Variants in NMBR observed in about 807,000 individuals in gnomAD.
NMBR encodes neuromedin-B receptor.
A neutral mutation model predicts 20.5 loss-of-function variants in NMBR; 16 were observed. The observed-to-expected ratio is 0.78, with a 90% CI of 0.53 to 1.19. The LOEUF (loss-of-function observed/expected upper bound fraction) is 1.19. Ranked by LOEUF, NMBR falls within the 50% of genes most tolerant of loss-of-function variation. NMBR has a pLI of 0.00. For missense variants in NMBR, 582 were observed against 499.1 expected, an observed-to-expected ratio of 1.17 and a Z score of -1.58; for synonymous variants, 212 against 196.6, an observed-to-expected ratio of 1.08 and a Z score of -0.65.
intron 1 of NMBR, among the ~76,000 whole-genome samples, chr6:142,142,866 C>T (rs1778380020): frequency 6.6e-6 from 1 of 152,038 alleles, no homozygotes; most frequent in Admixed American, 6.5e-5. Context: ...AGTAGGATCG[C>T]TTGAGTCTAG....
intron 1 of NMBR, chr6:142,134,763 TG>T (rs773328628): frequency 1.4e-6 from 1 of 691,962 alleles, no homozygotes; most frequent in South Asian, 1.5e-5. Context: ...CTAGATCTCT[TG>T]GGGAAAACAT....
At chr6:142,117,017 A>G (rs932821768) in intron 1 of NMBR, among the ~76,000 whole-genome samples, 1 of 151,992 alleles carries the variant, frequency 6.6e-6, no homozygotes, top group Non-Finnish European at 1.5e-5. Flanking sequence ...CCTTAAACTC[A>G]TGTCTTAAAT....
intron 1 of NMBR, among the ~76,000 whole-genome samples, chr6:142,135,765 G>A (rs1355961032): frequency 7.6e-5 from 11 of 143,950 alleles, no homozygotes; most frequent in South Asian, 2.2e-4. Context: ...TTGTCCTTGC[G>A]ATAGTTTACT....
intron 1 of NMBR, among the ~76,000 whole-genome samples, chr6:142,098,504 A>C (rs1777501671): frequency 6.6e-6 from 1 of 152,166 alleles, no homozygotes; most frequent in South Asian, 2.1e-4. Context: ...ATTAATATAC[A>C]AAAGTAAATC....
At chr6:142,098,389 C>G (rs902376657) in intron 1 of NMBR, among the ~76,000 whole-genome samples, 2 of 152,076 alleles carry the variant, frequency 1.3e-5, no homozygotes, top group African/African-American at 4.8e-5. Flanking sequence ...AGAAATAAAA[C>G]TGTCTTTGTT....
At chr6:142,099,129 T>TA (rs1192273968) in intron 1 of NMBR, among the ~76,000 whole-genome samples, 2 of 152,128 alleles carry the variant, frequency 1.3e-5, no homozygotes, top group East Asian at 3.9e-4. Flanking sequence ...AACCTAGACA[T>TA]AGAGTTTACA....
At chr6:142,089,619 G>A (rs1678932793) in intron 1 of NMBR, among the ~76,000 whole-genome samples, 1 of 152,026 alleles carries the variant, frequency 6.6e-6, no homozygotes, top group Non-Finnish European at 1.5e-5. Flanking sequence ...CTCCTATTGA[G>A]CATCGTATAA....
rs997385853 is a variant in NMBR, at chr6:142,109,927, G to A, written c.-663-20606C>T. ...TATGAGCCTTCACCAGACACCACGA[G>A]TCTCCTTGATCTTGGACTTCCCAGA... On this transcript the variant is annotated intron_variant, in intron 1 of 3. Transcript: ENST00000258042. 3.3e-5 allele frequency among the ~76,000 whole-genome samples: 5 copies of A among 152,104 alleles called. No individual in the cohort carries two copies. In the South Asian group the frequency reaches 8.3e-4, roughly 25 times the overall value.
At chr6:142,093,007 G>T (rs1449140340) in intron 1 of NMBR, among the ~76,000 whole-genome samples, 4 of 152,094 alleles carry the variant, frequency 2.6e-5, no homozygotes, top group African/African-American at 9.7e-5. Flanking sequence ...ACTTAGAAGT[G>T]TATTGTGTTT....
intron 1 of NMBR, among the ~76,000 whole-genome samples, chr6:142,129,959 C>T (rs192028602): frequency 6.6e-6 from 1 of 152,146 alleles, no homozygotes; most frequent in East Asian, 1.9e-4. Context: ...CTGTGTGCTC[C>T]CTCCTACTCA....
chr6:142,077,964 G>A (rs1220586319), intron 3 of NMBR, among the ~76,000 whole-genome samples: 4 of 152,262 alleles, frequency 2.6e-5, no homozygotes, highest in East Asian at 3.9e-4. Context: ...TTAAATGAGC[G>A]TATTATCTTT....
intron 3 of NMBR, 27 bp downstream of exon 3, chr6:142,078,528 C>G: frequency 1.5e-6 from 2 of 1,341,198 alleles, no homozygotes; most frequent in Non-Finnish European, 2.1e-6. Context: ...TGACCACACA[C>G]CACCAACCCA....
intron 1 of NMBR, among the ~76,000 whole-genome samples, chr6:142,112,412 AT>A (rs1316390846): frequency 6.6e-6 from 1 of 151,506 alleles, no homozygotes; most frequent in Non-Finnish European, 1.5e-5. Flanking sequence ...AAGATGCTTT[AT>A]TTTTTTCAAA....
chr6:142,125,364 G>A (rs1292881590), intron 1 of NMBR, among the ~76,000 whole-genome samples: 2 of 138,900 alleles, frequency 1.4e-5, no homozygotes, highest in African/African-American at 5.2e-5. Flanking sequence ...ATACTCTGAA[G>A]GATTAAATAT....
Position 142,075,807 on chromosome 6 carries a change from T to G in NMBR, c.1014A>C (p.Gln338His). Residue 338 changes from glutamine to histidine, a missense_variant, in exon 4 of 4, where the codon CAA (glutamine) becomes CAC (histidine). By Grantham distance (24) the Gln-to-His change is conservative. Coordinates refer to ENST00000258042, the MANE Select transcript of NMBR (RefSeq NM_002511.4). ...SESFRRHFNS[Q>H]LCCGRKSYQE... ...GATAGGACTTCCTCCCACAGCAGAG[T>G]TGGCTGTTGAAATGCCTCCTGAAGC... The G allele has an allele frequency of 6.2e-7, 1 of 1,614,036 alleles. No homozygotes were observed. Among genetic ancestry groups the G allele is most frequent in the East Asian group, 2.2e-5 (1 of 44,890 alleles).
chr6:142,086,220 C>T (rs1053793032), intron 2 of NMBR, among the ~76,000 whole-genome samples: 11 of 152,018 alleles, frequency 7.2e-5, no homozygotes, highest in Admixed American at 6.6e-4. Context: ...AAAAATGTTG[C>T]TGAATTTCTA....
intron 1 of NMBR, among the ~76,000 whole-genome samples, chr6:142,116,292 A>G (rs1777853943): frequency 6.6e-6 from 1 of 151,828 alleles, no homozygotes; most frequent in South Asian, 2.1e-4. Context: ...AAACACATAT[A>G]CCCACATCGA....
Position 142,078,540 on chromosome 6 carries a change from G to A in NMBR, c.771+15C>T, listed in dbSNP as rs770435483. 16 of 1,456,818 alleles carry A rather than the reference G, an allele frequency of 1.1e-5. No homozygotes were observed. Among genetic ancestry groups the A allele is most frequent in the Non-Finnish European group, 1.5e-5 (16 of 1,061,106 alleles). The allele number at this position is 1,456,818 out of a possible 1,614,324, so 90.2% of individuals were successfully genotyped here. A position where few individuals can be genotyped will look rare whatever the true frequency, so the allele number is the denominator to read the frequency against. On this transcript the variant is annotated intron_variant, in intron 3 of 3. Coordinates refer to ENST00000258042, the MANE Select transcript of NMBR (RefSeq NM_002511.4). ...TTCTGACCACACACCACCAACCCACGCCTACTAAGCTTACCTGTTTTTTGG... is the reference window on the plus strand; with the variant it reads ...TTCTGACCACACACCACCAACCCACACCTACTAAGCTTACCTGTTTTTTGG...
chr6:142,096,172 A>C (rs1227061769), intron 1 of NMBR, among the ~76,000 whole-genome samples: 1 of 151,912 alleles, frequency 6.6e-6, no homozygotes, highest in Non-Finnish European at 1.5e-5. Context: ...CTCTGATTTT[A>C]GTTATTTCTT....
Sources: allele counts gnomAD v4.1 joint callset (sites outside exome capture counted in the v4.1 genomes callset), GRCh38; gene constraint gnomAD v4.1.1; transcripts MANE v1.5; gene names NCBI Gene and HGNC (gene_info 2026-07-23, HGNC 2026-07-21).